Variants in KSR1 observed in about 807,000 individuals in gnomAD.
The protein encoded by KSR1 is kinase suppressor of ras.
In KSR1, 35 loss-of-function variants were observed where a neutral mutation model predicts 92.9. That is an observed-to-expected ratio of 0.38 (90% CI 0.29 to 0.50). The LOEUF (loss-of-function observed/expected upper bound fraction) is 0.50. Ranked by LOEUF, KSR1 falls within the 20% of genes least tolerant of loss-of-function variation. The pLI is 0.94. For synonymous variants in KSR1, 467 were observed against 472.6 expected (o/e 0.99, Z 0.15); for missense variants, 972 against 1,158.5 (o/e 0.84, Z 2.34).
chr17:27,521,173 G>A (rs1401550220), intron 1 of KSR1, among the ~76,000 whole-genome samples: 2 of 152,058 alleles, frequency 1.3e-5, no homozygotes, highest in South Asian at 2.1e-4. Context: ...GTGGGAACTG[G>A]CCCAGGCATC....
chr17:27,572,866 G>T (rs1351121780), intron 2 of KSR1, among the ~76,000 whole-genome samples: 2 of 152,144 alleles, frequency 1.3e-5, no homozygotes, highest in Non-Finnish European at 2.9e-5. Flanking sequence ...GAGATATCAG[G>T]GCCCCTCGCA....
Position 27,577,650 on chromosome 17 carries a change from C to T in KSR1, c.520+11C>T, listed in dbSNP as rs1255501928. The T allele has an allele frequency of 3.2e-6, 5 of 1,538,720 alleles. No individual in the cohort carries two copies. The highest frequency in any genetic ancestry group is 4.4e-6 in the Non-Finnish European group (5 of 1,144,476). Reference sequence around the variant, plus strand: ...AGGTGACAGGCCTGGGTACGTGGGGCCTGCCACCCTCTCCCTTGCCTGGCC... The same window carrying T: ...AGGTGACAGGCCTGGGTACGTGGGGTCTGCCACCCTCTCCCTTGCCTGGCC... On this transcript the variant is annotated intron_variant, in intron 3 of 20. Coordinates refer to ENST00000644974, the MANE Select transcript of KSR1 (RefSeq NM_001394583.1). The surrounding 1 kb of genome is among the most constrained non-coding windows in gnomAD (Gnocchi z 4.5).
intron 1 of KSR1, among the ~76,000 whole-genome samples, chr17:27,528,253 G>C (rs933195254): frequency 3.3e-5 from 5 of 151,988 alleles, no homozygotes; most frequent in African/African-American, 1.2e-4. Context: ...TTTTAGTAGA[G>C]AGAGGGTGTC....
At chr17:27,570,739 G>A (rs1191021624) in intron 2 of KSR1, among the ~76,000 whole-genome samples, 2 of 152,168 alleles carry the variant, frequency 1.3e-5, no homozygotes, top group Admixed American at 1.3e-4. Context: ...GAACACAGCC[G>A]TGCTGTGGCC....
intron 20 of KSR1, chr17:27,622,905 C>T: frequency 5.1e-6 from 1 of 197,072 alleles, no homozygotes; most frequent in South Asian, 1.0e-4. Flanking sequence ...GGCCCTGATG[C>T]ACCCCAGTAT....
At chr17:27,478,216 A>G (rs1281860369) in intron 1 of KSR1, among the ~76,000 whole-genome samples, 8 of 152,228 alleles carry the variant, frequency 5.3e-5, no homozygotes, top group Non-Finnish European at 1.2e-4. Context: ...CTAACCTCAC[A>G]GCATTCCTAG....
chr17:27,592,922 T>C (rs1264706685), intron 9 of KSR1, among the ~76,000 whole-genome samples: 1 of 152,228 alleles, frequency 6.6e-6, no homozygotes, highest in African/African-American at 2.4e-5. Context: ...ACAATAGTTC[T>C]GAAGGGTACA....
chr17:27,475,132 A>G (rs1219339225), intron 1 of KSR1, among the ~76,000 whole-genome samples: 1 of 152,214 alleles, frequency 6.6e-6, no homozygotes, highest in Non-Finnish European at 1.5e-5. Context: ...AGCTGAGCTC[A>G]TGTGGAAGCC....
intron 19 of KSR1, among the ~76,000 whole-genome samples, chr17:27,619,006 T>C (rs2074141802): frequency 6.6e-6 from 1 of 151,948 alleles, no homozygotes; most frequent in African/African-American, 2.4e-5. Flanking sequence ...AGTTATAAAC[T>C]TTAAGGAAAA....
chr17:27,601,104 G>T (rs368010357), intron 10 of KSR1, among the ~76,000 whole-genome samples: 1 of 152,214 alleles, frequency 6.6e-6, no homozygotes, highest in Non-Finnish European at 1.5e-5. Context: ...GCTGGTGACC[G>T]GAGACGGGGT....
intron 17 of KSR1, 75 bp downstream of exon 17, chr17:27,610,273 G>A (rs2073878158): frequency 3.1e-6 from 5 of 1,596,868 alleles, no homozygotes; most frequent in South Asian, 1.1e-5. Context: ...GGGGCAGAGG[G>A]AGGCATGCTT....
chr17:27,609,386 G>A (rs1381091540), intron 16 of KSR1, 57 bp downstream of exon 16: 3 of 1,601,640 alleles, frequency 1.9e-6, no homozygotes, highest in South Asian at 1.1e-5. Context: ...GAAGAGCAGG[G>A]CTGAGGTCTG....
Position 27,478,821 on chromosome 17 carries a change from C to A in KSR1, c.231+21947C>A, listed in dbSNP as rs185377309. Among the ~76,000 whole-genome samples the A allele has an allele frequency of 3.6e-3, 555 of 152,244 alleles. 4 individuals carry two copies. Among genetic ancestry groups the A allele is most frequent in the African/African-American group, 0.013 (528 of 41,538 alleles). ...GCTGTGACCCTGGGCAGGTCCCCTC[C>A]TGGGAATCCATTTCCTAATCTGTGA... On this transcript the variant is annotated intron_variant, in intron 1 of 20. Transcript: ENST00000644974.
intron 3 of KSR1, among the ~76,000 whole-genome samples, chr17:27,581,802 A>G (rs1232871961): frequency 1.3e-5 from 2 of 152,174 alleles, no homozygotes; most frequent in Non-Finnish European, 2.9e-5. Context: ...GAATGGCTGT[A>G]GCTCAAACAC....
chr17:27,615,691 T>C (rs1028495665), intron 18 of KSR1, among the ~76,000 whole-genome samples: 2 of 152,178 alleles, frequency 1.3e-5, no homozygotes, highest in African/African-American at 4.8e-5. Flanking sequence ...CTGTTTTCTT[T>C]TCATTCACTC....
At chr17:27,466,490 C>T (rs1269513173) in intron 1 of KSR1, among the ~76,000 whole-genome samples, 1 of 152,218 alleles carries the variant, frequency 6.6e-6, no homozygotes, top group Admixed American at 6.5e-5. Flanking sequence ...TTCCTGCCTC[C>T]TCCTGGCCCT....
At chr17:27,483,850 A>G (rs970134591) in intron 1 of KSR1, 7 of 152,236 alleles carry the variant, frequency 4.6e-5, no homozygotes, top group Non-Finnish European at 1.0e-4. Flanking sequence ...TCCTCTCCCA[A>G]GGTGACCCCC....
At chr17:27,525,208 G>T (rs368595908) in intron 1 of KSR1, among the ~76,000 whole-genome samples, 1 of 152,254 alleles carries the variant, frequency 6.6e-6, no homozygotes, top group South Asian at 2.1e-4. Flanking sequence ...CTTACTTACT[G>T]TGTGAACTTG....
At chr17:27,560,897 C>T (rs2071801912) in intron 2 of KSR1, among the ~76,000 whole-genome samples, 1 of 152,222 alleles carries the variant, frequency 6.6e-6, no homozygotes, top group Non-Finnish European at 1.5e-5. Context: ...CTGGAGGGAT[C>T]TGTGCCAATG....
Sources: gnomAD v4.1 joint callset for allele counts (sites outside exome capture counted in the v4.1 genomes callset) on GRCh38, gnomAD v4.1.1 for gene constraint, Gnocchi (gnomAD v3.1) non-coding constraint, MANE v1.5 for transcripts, NCBI Gene and HGNC (gene_info 2026-07-23, HGNC 2026-07-21) for gene names.